DND1: variants seen among roughly 807,000 people sequenced by gnomAD.
DND1 encodes DND microRNA-mediated repression inhibitor 1.
A neutral mutation model predicts 30.4 loss-of-function variants in DND1; 6 were observed. The ratio of observed to expected loss-of-function variants is 0.20; its 90% CI spans 0.11 to 0.39. The LOEUF is 0.39. DND1 is among the 10% of genes least tolerant of loss of function. The pLI, the probability that DND1 is intolerant of heterozygous loss-of-function variation, is 1.00. For synonymous variants in DND1, 178 were observed against 210.4 expected, an observed-to-expected ratio of 0.85 and a Z score of 1.33; for missense variants, 358 against 474.9, an observed-to-expected ratio of 0.75 and a Z score of 2.29.
At position 140,672,517 on chromosome 5, in the gene DND1, G is replaced by A; in HGVS notation, c.532C>T (p.Pro178Ser). 1.9e-6 allele frequency: 3 copies of A among 1,595,228 alleles called. No homozygotes were observed. Among genetic ancestry groups the A allele is most frequent in the South Asian group, 1.1e-5 (1 of 89,656 alleles). ...AATTTGAGCAGAGCGATCTGCCCGGGCGCCGGTCCGGGGCTGGGCAGCAGC... is the reference window on the plus strand; with the variant it reads ...AATTTGAGCAGAGCGATCTGCCCGGACGCCGGTCCGGGGCTGGGCAGCAGC... ...ARLLPSPGPA[P>S]GQIALLKFSS... The change falls in exon 3 of 4, where the codon CCC becomes TCC. Residue 178 changes from proline to serine, a missense_variant. Coordinates refer to ENST00000542735, the MANE Select transcript of DND1 (RefSeq NM_194249.3).
chr5:140,671,083 G>A lies in DND1; in HGVS notation c.*210C>T, dbSNP rs1017594933. ...TCAGGTTGGACCCTGGGCTGGGAGC[G>A]GGAGGGCAAGGCCCCTCACCACAAC... On this transcript the variant is annotated 3_prime_UTR_variant, in exon 4 of 4. Transcript: ENST00000542735. 4.6e-5 allele frequency: 30 copies of A among 645,220 alleles called. No individual in the cohort carries two copies. The highest frequency in any genetic ancestry group is 4.5e-4 in the Admixed American group (16 of 35,796). The allele number at this position is 645,220 out of a possible 1,614,324, so 40.0% of individuals were successfully genotyped here. A position where few individuals can be genotyped will look rare whatever the true frequency, so the allele number is the denominator to read the frequency against.
chr5:140,671,632 G>A lies in DND1; in HGVS notation c.723C>T (p.Ser241=), dbSNP rs763672102. 4 of 1,576,620 alleles carry A rather than the reference G, an allele frequency of 2.5e-6. No homozygotes were observed. The South Asian group carries it at 4.6e-5, about 18-fold the overall frequency. The change falls in exon 4 of 4, where the codon AGC becomes AGT. Residue 241 remains serine (S), a synonymous_variant. Coordinates refer to ENST00000542735, the MANE Select transcript of DND1 (RefSeq NM_194249.3). ...ACTTGTCCCTTGCCAAAGCCAACTGGCTGCCCTCTGGCTGTGGGGACCGCA... is the reference window on the plus strand; with the variant it reads ...ACTTGTCCCTTGCCAAAGCCAACTGACTGCCCTCTGGCTGTGGGGACCGCA... The part of the protein sequence containing the change: ...PFLRSPQPEG[S]QLALARDKLG...
chr5:140,672,637 A>G lies in DND1; in HGVS notation c.412T>C (p.Cys138Arg). ...GGCAGGCCGTCAACGCTCAGCTCAC[A>G]CTTCTCGGTGCTGCGGCACACGAGC... ...PLLVCRSTEK[C>R]ELSVDGLPPN... The change falls in exon 3 of 4, where the codon TGT becomes CGT. Residue 138 changes from cysteine (C) to arginine (R), a missense_variant. Physicochemically the swap from Cys to Arg is radical, Grantham distance 180. Coordinates refer to ENST00000542735, the MANE Select transcript of DND1 (RefSeq NM_194249.3). The G allele has an allele frequency of 6.4e-7, 1 of 1,570,544 alleles. No individual in the cohort carries two copies. The highest frequency in any genetic ancestry group is 8.6e-7 in the Non-Finnish European group (1 of 1,166,570).
In DND1 at chr5:140,672,594, C is replaced by T; in HGVS notation, c.455G>A (p.Ser152Asn). 2 of 1,575,486 alleles carry T rather than the reference C, an allele frequency of 1.3e-6. No individual in the cohort carries two copies. Among genetic ancestry groups the T allele is most frequent in the Non-Finnish European group, 1.7e-6 (2 of 1,167,582 alleles). ...CGGCTGCAGCGCGAGCAGCAGCGCG[C>T]TGCGGGTCAGATTCGGCGGCAGGCC... ...VDGLPPNLTRSALLLALQPLG... is the reference protein window; with the variant it reads ...VDGLPPNLTRNALLLALQPLG... Residue 152 changes from serine (S) to asparagine (N), a missense_variant, in exon 3 of 4, where the codon AGC becomes AAC. By Grantham distance (46) the Ser-to-Asn change is conservative (BLOSUM62 1). Transcript: ENST00000542735.
intron 2 of DND1, 131 bp from the exon 3 acceptor site, chr5:140,673,037 G>A: frequency 8.7e-7 from 1 of 1,155,472 alleles, no homozygotes; most frequent in Admixed American, 2.0e-5. Context: ...CGTACCCTGG[G>A]TGGTTGGCAT....
At position 140,672,620 on chromosome 5, in the gene DND1, G is replaced by A; in HGVS notation, c.429C>T (p.Asp143=). Residue 143 remains aspartate, a synonymous_variant, in exon 3 of 4, where the codon GAC becomes GAT. Coordinates refer to ENST00000542735, the MANE Select transcript of DND1 (RefSeq NM_194249.3). ...TGCGGGTCAGATTCGGCGGCAGGCC[G>A]TCAACGCTCAGCTCACACTTCTCGG... ...RSTEKCELSV[D]GLPPNLTRSA... 5 of 1,566,928 alleles carry A rather than the reference G, an allele frequency of 3.2e-6. No homozygotes were observed. In the South Asian group the frequency reaches 3.4e-5, roughly 11 times the overall value.
In DND1 at chr5:140,671,643, G is replaced by T; in HGVS notation, c.712C>A (p.Pro238Thr). The change falls in exon 4 of 4, where the codon CCA (proline) becomes ACA (threonine). Residue 238 changes from proline to threonine, a missense_variant. By Grantham distance (38) the Pro-to-Thr change is conservative. Coordinates refer to ENST00000542735, the MANE Select transcript of DND1 (RefSeq NM_194249.3). The part of the protein sequence containing the change: ...LVGPFLRSPQ[P>T]EGSQLALARD... ...GCCAAAGCCAACTGGCTGCCCTCTG[G>T]CTGTGGGGACCGCAAGAAGGGACCC... is the stretch of plus-strand genomic sequence containing the variant. 1 of 1,578,878 alleles carries T rather than the reference G, an allele frequency of 6.3e-7. No individual in the cohort carries two copies.
chr5:140,672,096 C>A lies in DND1; in HGVS notation c.605-346G>T, dbSNP rs142707009. 7.8e-3 allele frequency: 4,243 copies of A among 543,740 alleles called. 32 individuals carry two copies. Among genetic ancestry groups the A allele is most frequent in the Middle Eastern group, 0.014 (28 of 2,016 alleles). The allele number at this position is 543,740 out of a possible 1,614,324, so 33.7% of individuals were successfully genotyped here. A position where few individuals can be genotyped will look rare whatever the true frequency, so the allele number is the denominator to read the frequency against. On this transcript the variant is annotated intron_variant, in intron 3 of 3. Transcript: ENST00000542735. ...TATGTTACTTAATTCTCATAACAGT[C>A]TGAGGAAACAGATTCTATAGTAGTA... is the stretch of plus-strand genomic sequence containing the variant.
Position 140,670,852 on chromosome 5 carries a change from A to G in DND1, c.*441T>C, listed in dbSNP as rs59018738. 1.8e-3 allele frequency: 449 copies of G among 252,280 alleles called. No individual in the cohort carries two copies. Among genetic ancestry groups the G allele is most frequent in the African/African-American group, 9.5e-3 (426 of 44,970 alleles). 15.6% of individuals were successfully genotyped at this position (252,280 alleles called of 1,614,324 possible). ...CCAGCATAGAAAGACCCAAAACTAT[A>G]CAGAAACCAAAACCAGAATGCCATG... On this transcript the variant is annotated 3_prime_UTR_variant, in exon 4 of 4. Coordinates refer to ENST00000542735, the MANE Select transcript of DND1 (RefSeq NM_194249.3).
chr5:140,671,773 A>T, intron 3 of DND1, 23 bp from the exon 4 acceptor site: 4 of 1,556,108 alleles, frequency 2.6e-6, no homozygotes, highest in Non-Finnish European at 3.5e-6. Flanking sequence ...TGCAAAGACA[A>T]GGGCAGGTCT....
Position 140,672,909 on chromosome 5 carries a change from G to A in DND1, c.143-3C>T, listed in dbSNP as rs1554106144. Reference sequence around the variant, plus strand: ...TGGCGGCGGGCTGCCCACCCAGCCTGTGGGAAGAGGGTATGCAAGGCCACC... The same window carrying A: ...TGGCGGCGGGCTGCCCACCCAGCCTATGGGAAGAGGGTATGCAAGGCCACC... On this transcript the variant is annotated splice_region_variant and splice_polypyrimidine_tract_variant and intron_variant, in intron 2 of 3. Transcript: ENST00000542735. 1 of 1,537,248 alleles carries A rather than the reference G, an allele frequency of 6.5e-7. No homozygotes were observed. The highest frequency in any genetic ancestry group is 8.7e-7 in the Non-Finnish European group (1 of 1,147,160).
At position 140,671,198 on chromosome 5, in the gene DND1, T is replaced by C. The variant is rs558302892; in HGVS notation, c.*95A>G. On this transcript the variant is annotated 3_prime_UTR_variant, in exon 4 of 4. Coordinates refer to ENST00000542735, the MANE Select transcript of DND1 (RefSeq NM_194249.3). ...CCTGGGCCCATGCCCCTCCCCACCT[T>C]TGGGGGTCAGAAAGTGGCCACCCAG... 6.6e-7 allele frequency: 1 copy of C among 1,506,742 alleles called. No individual in the cohort carries two copies. The highest frequency in any genetic ancestry group is 2.3e-5 in the East Asian group (1 of 44,182). 93.3% of individuals were successfully genotyped at this position (1,506,742 alleles called of 1,614,324 possible).
intron 3 of DND1, 21 bp downstream of exon 3, chr5:140,672,424 A>G: frequency 6.3e-7 from 1 of 1,576,714 alleles, no homozygotes; most frequent in Non-Finnish European, 8.6e-7. Flanking sequence ...GGCCCCAACC[A>G]GCACCCCCGC....
chr5:140,672,860 C>G lies in DND1; in HGVS notation c.189G>C (p.Gly63=). ...PPPAGSEVFI[G]RLPQDVYEHQ... is the part of the protein sequence containing the mutation. ...GCTCGTACACGTCCTGAGGCAGCCG[C>G]CCGATGAACACCTCTGACCCAGCTG... The change falls in exon 3 of 4, where the codon GGG becomes GGC. Residue 63 remains glycine, a synonymous_variant. Transcript: ENST00000542735. 1.0e-5 allele frequency: 16 copies of G among 1,542,676 alleles called. No individual in the cohort carries two copies. Among genetic ancestry groups the G allele is most frequent in the Non-Finnish European group, 1.4e-5 (16 of 1,149,642 alleles).
At position 140,671,220 on chromosome 5, in the gene DND1, C is replaced by CCAG; in HGVS notation, c.*70_*72dup. ...CCTTTGGGGGTCAGAAAGTGGCCAC[C>CCAG]CAGGCCTGCTGGGATGGGGCCTGAC... On this transcript the variant is annotated 3_prime_UTR_variant, in exon 4 of 4. Transcript: ENST00000542735. 6.3e-7 allele frequency: 1 copy of CCAG among 1,598,140 alleles called. No homozygotes were observed. The highest frequency in any genetic ancestry group is 8.6e-7 in the Non-Finnish European group (1 of 1,168,318).
At chr5:140,672,199 T>C in intron 3 of DND1, 2 of 584,632 alleles carry the variant, frequency 3.4e-6, no homozygotes, top group Non-Finnish European at 6.1e-6. Flanking sequence ...TGTGCCTATT[T>C]TGCGGTGTGG....
intron 3 of DND1, 175 bp from the exon 4 acceptor site, chr5:140,671,925 G>C (rs918891787): frequency 1.3e-5 from 9 of 716,034 alleles, no homozygotes; most frequent in Admixed American, 7.1e-5. Context: ...TGCAAAGGGA[G>C]TATAACACAC....
rs1042383882 is a variant in DND1 at position 140,671,700 on chromosome 5, C to G, written c.655G>C (p.Asp219His). 6.9e-6 allele frequency: 11 copies of G among 1,585,082 alleles called. No individual in the cohort carries two copies. Among genetic ancestry groups the G allele is most frequent in the Non-Finnish European group, 9.4e-6 (11 of 1,165,490 alleles). Residue 219 changes from aspartate (D) to histidine (H), a missense_variant, in exon 4 of 4, where the codon GAC becomes CAC. This residue lies in a region of DND1 where 176 missense variants were observed against 235.2 expected (regional missense o/e 0.75). Transcript: ENST00000542735. ...TGCTGGCGAAGTCGCTGCTTCAGGT[C>G]TGGCTTGAGCCACTCCACAGCCACC... The part of the protein sequence containing the change: ...EQVAVEWLKP[D>H]LKQRLRQQLV...
In DND1 at chr5:140,671,618, G is replaced by A. The variant is rs1052037563; in HGVS notation, c.737C>T (p.Ala246Val). 6 of 1,574,252 alleles carry A rather than the reference G, an allele frequency of 3.8e-6. No individual in the cohort carries two copies. Among genetic ancestry groups the A allele is most frequent in the Non-Finnish European group, 5.2e-6 (6 of 1,160,486 alleles). ...CCCTTGGAACCCTAACTTGTCCCTTGCCAAAGCCAACTGGCTGCCCTCTGG... is the reference window on the plus strand; with the variant it reads ...CCCTTGGAACCCTAACTTGTCCCTTACCAAAGCCAACTGGCTGCCCTCTGG... ...PQPEGSQLALARDKLGFQGAR... is the reference protein window; with the variant it reads ...PQPEGSQLALVRDKLGFQGAR... The change falls in exon 4 of 4, where the codon GCA becomes GTA. Residue 246 changes from alanine (A) to valine (V), a missense_variant. Ala to Val is a moderately conservative substitution (Grantham distance 64). Transcript: ENST00000542735.
Sources: allele counts gnomAD v4.1 joint callset, GRCh38; gene constraint gnomAD v4.1.1; regional missense constraint gnomAD v4.1.1; transcripts MANE v1.5; gene names NCBI Gene and HGNC (gene_info 2026-07-23, HGNC 2026-07-21).